The following SIPA1L1 variants were observed in gnomAD, a reference collection of about 807,000 sequenced individuals.
The protein encoded by SIPA1L1 is signal induced proliferation associated 1 like 1, also known as signal-induced proliferation-associated 1-like protein 1.
SIPA1L1 carries 26 observed loss-of-function variants against 162.7 expected under a neutral mutation model. The observed-to-expected ratio is 0.16, with a 90% confidence interval of 0.12 to 0.22. SIPA1L1 has a LOEUF of 0.22. SIPA1L1 is among the 10% of genes least tolerant of loss of function. The probability of loss-of-function intolerance (pLI) is 1.00; values close to 1 mark genes in which losing one functional copy is unlikely to be tolerated. For missense variants in SIPA1L1, 1,874 were observed against 2,241.0 expected, an observed-to-expected ratio of 0.84 and a Z score of 3.31; for synonymous variants, 829 against 837.4, an observed-to-expected ratio of 0.99 and a Z score of 0.17.
chr14:71,686,156 C>A (rs547912446), intron 13 of SIPA1L1, among the ~76,000 whole-genome samples: 1 of 152,132 alleles, frequency 6.6e-6, no homozygotes, highest in Admixed American at 6.5e-5. Flanking sequence ...GAAGACGATA[C>A]GTGGAGATAC....
intron 2 of SIPA1L1, among the ~76,000 whole-genome samples, chr14:71,444,538 T>G (rs957909210): frequency 1.3e-5 from 2 of 152,166 alleles, no homozygotes; most frequent in South Asian, 4.1e-4. Flanking sequence ...CCATTTCCTA[T>G]CTACAGTTCC....
intron 2 of SIPA1L1, among the ~76,000 whole-genome samples, chr14:71,497,482 T>TAGTC (rs1410701594): frequency 6.6e-6 from 1 of 152,248 alleles, no homozygotes; most frequent in Non-Finnish European, 1.5e-5. Flanking sequence ...TACCCCTTTA[T>TAGTC]AGTCACCTCT....
rs1273600428 is a variant in SIPA1L1 at position 71,697,926 on chromosome 14, T to TAA, written c.3375-1049_3375-1048dup. ...GCAAACCCATTATAAACTGTCTTAT[T>TAA]AAAAAAACAAAAAAAAAACCACAGA... On this transcript the variant is annotated intron_variant, in intron 13 of 23. Transcript: ENST00000381232. Among the ~76,000 whole-genome samples, 3 of 134,460 alleles carry TAA rather than the reference T, an allele frequency of 2.2e-5. No individual in the cohort carries two copies. The East Asian group carries it at 7.4e-4, about 33-fold the overall frequency. The allele number at this position is 134,460 out of a possible 152,430, so 88.2% of individuals were successfully genotyped here.
rs1289485007 is a variant in SIPA1L1, at chr14:71,739,484, C to T, written c.*323C>T. Reference sequence around the variant, plus strand: ...AGAAACTGGGCCTTGGACCAGGGCGCCCCCTGGCCCATCCGCCTCTATTCC... The same window carrying T: ...AGAAACTGGGCCTTGGACCAGGGCGTCCCCTGGCCCATCCGCCTCTATTCC... On this transcript the variant is annotated 3_prime_UTR_variant, in exon 24 of 24. Transcript: ENST00000381232. 6.0e-6 allele frequency: 1 copy of T among 165,640 alleles called. No individual in the cohort carries two copies. Among genetic ancestry groups the T allele is most frequent in the Non-Finnish European group, 1.3e-5 (1 of 77,300 alleles). 10.3% of individuals were successfully genotyped at this position (165,640 alleles called of 1,614,324 possible). A position where few individuals can be genotyped will look rare whatever the true frequency, so the allele number is the denominator to read the frequency against.
intron 3 of SIPA1L1, among the ~76,000 whole-genome samples, chr14:71,517,992 T>C (rs989562805): frequency 6.6e-6 from 1 of 152,122 alleles, no homozygotes; most frequent in Non-Finnish European, 1.5e-5. Context: ...TGAGGCGAGC[T>C]GCAGTGGCTG....
chr14:71,583,002 A>G (rs980198418), intron 4 of SIPA1L1, among the ~76,000 whole-genome samples: 25 of 152,316 alleles, frequency 1.6e-4, no homozygotes, highest in African/African-American at 5.8e-4. Flanking sequence ...ATGTAAAGAA[A>G]ATAGTTTGCC....
intron 2 of SIPA1L1, among the ~76,000 whole-genome samples, chr14:71,502,255 A>AAT (rs60241101): frequency 0.035 from 3,423 of 97,474 alleles, 137 homozygotes; most frequent in African/African-American, 0.097. Flanking sequence ...AAAAAAAAAA[A>AAT]ATATATATAT....
At chr14:71,489,702 A>T (rs542473555) in intron 2 of SIPA1L1, among the ~76,000 whole-genome samples, 1 of 140,010 alleles carries the variant, frequency 7.1e-6, no homozygotes, top group East Asian at 2.0e-4. Context: ...TGATTAGCTT[A>T]AAAAAAAAAA....
intron 2 of SIPA1L1, chr14:71,497,741 A>G (rs746422839): frequency 1.3e-5 from 2 of 152,176 alleles, no homozygotes; most frequent in Non-Finnish European, 2.9e-5. Flanking sequence ...TGCTTATACA[A>G]TCACCTGTTG....
At chr14:71,498,418 A>T (rs144989020) in intron 2 of SIPA1L1, among the ~76,000 whole-genome samples, 20 of 152,288 alleles carry the variant, frequency 1.3e-4, no homozygotes, top group Non-Finnish European at 1.3e-4. Context: ...TTATGAAATG[A>T]TCATGAATAA....
intron 14 of SIPA1L1, 51 bp downstream of exon 14, chr14:71,699,178 T>TC (rs1302075892): frequency 6.4e-7 from 1 of 1,561,988 alleles, no homozygotes; most frequent in Non-Finnish European, 8.8e-7. Flanking sequence ...CATCATTTCT[T>TC]TCATCTGTAC....
intron 2 of SIPA1L1, among the ~76,000 whole-genome samples, chr14:71,368,286 A>C (rs1255257366): frequency 7.1e-6 from 1 of 141,044 alleles, no homozygotes; most frequent in Non-Finnish European, 1.5e-5. Flanking sequence ...CCTTAGGTAT[A>C]TCTCCCAATG....
chr14:71,586,319 G>C (rs985343093), intron 4 of SIPA1L1: 1 of 151,454 alleles, frequency 6.6e-6, no homozygotes, highest in Non-Finnish European at 1.5e-5. Flanking sequence ...CAAGAGAAAT[G>C]AAAGCGCCTG....
At chr14:71,434,972 T>C (rs1428156122) in intron 2 of SIPA1L1, among the ~76,000 whole-genome samples, 1 of 152,210 alleles carries the variant, frequency 6.6e-6, no homozygotes, top group Non-Finnish European at 1.5e-5. Flanking sequence ...TTACCTAGTC[T>C]CTTAATAATG....
chr14:71,638,618 A>G (rs1421057720), intron 7 of SIPA1L1, among the ~76,000 whole-genome samples: 1 of 152,264 alleles, frequency 6.6e-6, no homozygotes, highest in Non-Finnish European at 1.5e-5. Context: ...TGTGCTGTTA[A>G]CACTGCTATT....
chr14:71,425,395 G>A (rs1340552919), intron 2 of SIPA1L1, among the ~76,000 whole-genome samples: 2 of 151,918 alleles, frequency 1.3e-5, no homozygotes, highest in Non-Finnish European at 2.9e-5. Flanking sequence ...TGTCCCATAA[G>A]TTTTGGCATT....
chr14:71,685,359 T>TAGG lies in SIPA1L1; in HGVS notation c.3105_3107dup. On this transcript the variant is annotated splice_polypyrimidine_tract_variant and splice_region_variant and intron_variant, in intron 12 of 23. Transcript: ENST00000381232. The stretch of plus-strand genomic sequence containing the variant: ...GTTTCTCCCTGTGCCTTGCCCCTAA[T>TAGG]AGGAGTTGCTCTGAAACCTACCGCA... 1.2e-6 allele frequency: 2 copies of TAGG among 1,613,870 alleles called. No individual in the cohort carries two copies. The highest frequency in any genetic ancestry group is 1.7e-6 in the Non-Finnish European group (2 of 1,179,770).
chr14:71,577,469 C>T lies in SIPA1L1; in HGVS notation c.-302-10102C>T, dbSNP rs201058711. On this transcript the variant is annotated intron_variant, in intron 4 of 23. Transcript: ENST00000381232. Reference sequence around the variant, plus strand: ...TCAGCTTACTGCAACCTCCGCCTCCCATGTTCAAATGATTCTCCTGCCTCA... The same window carrying T: ...TCAGCTTACTGCAACCTCCGCCTCCTATGTTCAAATGATTCTCCTGCCTCA... Among the ~76,000 whole-genome samples the T allele has an allele frequency of 8.6e-5, 13 of 151,996 alleles. No individual in the cohort carries two copies. The East Asian group carries it at 2.5e-3, about 29-fold the overall frequency.
chr14:71,607,366 G>A (rs1864773969), intron 5 of SIPA1L1, among the ~76,000 whole-genome samples: 2 of 151,696 alleles, frequency 1.3e-5, no homozygotes, highest in Non-Finnish European at 2.9e-5. Context: ...GTTTTGCTTT[G>A]TATTTTTATT....
Sources: allele counts gnomAD v4.1 joint callset (sites outside exome capture counted in the v4.1 genomes callset), GRCh38; gene constraint gnomAD v4.1.1; transcripts MANE v1.5; gene names NCBI Gene and HGNC (gene_info 2026-07-23, HGNC 2026-07-21).